BLTP2: variants seen among roughly 807,000 people sequenced by gnomAD.
The protein encoded by BLTP2 is U937-associated antigen.
At chr17:28,619,279 A>G in the BLTP2 span, among the ~76,000 whole-genome samples, 4 of 152,032 alleles carry the variant, frequency 2.6e-5, no homozygotes, top group African/African-American at 9.7e-5. Flanking sequence ...TGTCAGGTTC[A>G]TTAAAAAAAA....
chr17:28,640,001 C>T, the BLTP2 span: 7 of 1,613,948 alleles, frequency 4.3e-6, no homozygotes, highest in Non-Finnish European at 5.9e-6. Flanking sequence ...GGAACTGCAG[C>T]AGCTTCAGAG....
chr17:28,640,395 AAAT>A, the BLTP2 span: 12 of 713,116 alleles, frequency 1.7e-5, no homozygotes, highest in Admixed American at 2.1e-4. Context: ...TCCGTCTCAA[AAAT>A]AATAATAATT....
the BLTP2 span, chr17:28,634,711 A>C: frequency 6.2e-7 from 1 of 1,614,162 alleles, no homozygotes; most frequent in South Asian, 1.1e-5. Context: ...TGCCCGGCGC[A>C]TGGGTGTGTT....
At chr17:28,632,180 A>C in the BLTP2 span, 1 of 1,614,124 alleles carries the variant, frequency 6.2e-7, no homozygotes, top group Non-Finnish European at 8.5e-7. Flanking sequence ...CAAGTTGCCC[A>C]GAAGTTTTGC....
chr17:28,635,762 C>G, the BLTP2 span: 2 of 714,870 alleles, frequency 2.8e-6, no homozygotes, highest in African/African-American at 3.6e-5. Context: ...TTGCTTTGTT[C>G]CTGTTAGCAC....
At chr17:28,645,040 G>A in the BLTP2 span, 2 of 1,601,322 alleles carry the variant, frequency 1.2e-6, no homozygotes, top group Non-Finnish European at 1.7e-6. Flanking sequence ...CAACAGCGCG[G>A]AGAAGAACAG....
the BLTP2 span, chr17:28,638,112 G>A: frequency 8.7e-6 from 14 of 1,612,030 alleles, no homozygotes; most frequent in Admixed American, 1.7e-5. Context: ...AGAAGCAGAC[G>A]GATCCCATTA....
the BLTP2 span, chr17:28,643,347 A>G: frequency 6.2e-7 from 1 of 1,612,498 alleles, no homozygotes; most frequent in Non-Finnish European, 8.5e-7. Flanking sequence ...CACCAGGTCC[A>G]TCCCTCCCAT....
At chr17:28,621,308 C>G in the BLTP2 span, 1 of 1,416,304 alleles carries the variant, frequency 7.1e-7, no homozygotes, top group East Asian at 2.3e-5. Flanking sequence ...CTCCAGCATA[C>G]ACTGACGTTA....
the BLTP2 span, chr17:28,639,487 G>A: frequency 3.1e-6 from 5 of 1,613,448 alleles, no homozygotes; most frequent in South Asian, 3.3e-5. Flanking sequence ...AGAACTGTGG[G>A]TTTGGGTTTT....
At chr17:28,640,034 A>C in the BLTP2 span, 2 of 1,612,910 alleles carry the variant, frequency 1.2e-6, no homozygotes, top group Non-Finnish European at 1.7e-6. Flanking sequence ...GCCTGGACCG[A>C]GACAGATTCC....
At chr17:28,628,903 T>C in the BLTP2 span, among the ~76,000 whole-genome samples, 5 of 150,756 alleles carry the variant, frequency 3.3e-5, no homozygotes, top group African/African-American at 1.2e-4. Flanking sequence ...CACTGCACTC[T>C]AGCCCAGGCG....
chr17:28,622,068 T>A, the BLTP2 span, among the ~76,000 whole-genome samples: 1 of 152,110 alleles, frequency 6.6e-6, no homozygotes, highest in East Asian at 1.9e-4. Context: ...GATGTTCCAC[T>A]CTAATGCTAG....
chr17:28,630,465 GTTTTTTTTTTTT>G, the BLTP2 span, among the ~76,000 whole-genome samples: 1 of 93,010 alleles, frequency 1.1e-5, no homozygotes, highest in African/African-American at 4.1e-5. Context: ...AGCCCCCACT[GTTTTTTTTTTTT>G]TTTTTTTTTT....
the BLTP2 span, chr17:28,632,199 C>T: frequency 1.2e-6 from 2 of 1,613,742 alleles, no homozygotes; most frequent in Non-Finnish European, 1.7e-6. Context: ...GCATCCAGCG[C>T]AGGGTACTAC....
the BLTP2 span, among the ~76,000 whole-genome samples, chr17:28,626,009 C>T: frequency 1.1e-4 from 16 of 152,188 alleles, no homozygotes; most frequent in African/African-American, 2.9e-4. Flanking sequence ...GTGATCCATC[C>T]GCCTCGGCCT....
the BLTP2 span, among the ~76,000 whole-genome samples, chr17:28,623,395 T>C: frequency 1.3e-5 from 2 of 152,204 alleles, no homozygotes; most frequent in Admixed American, 1.3e-4. Context: ...GTCATTTTCA[T>C]GAGAGGACAG....
At chr17:28,620,919 C>A in the BLTP2 span, 2 of 1,431,398 alleles carry the variant, frequency 1.4e-6, no homozygotes, top group Admixed American at 1.8e-5. Flanking sequence ...TGTCTCAAAA[C>A]CACCAAGGAA....
At chr17:28,631,454 A>G in the BLTP2 span, 29 of 1,601,634 alleles carry the variant, frequency 1.8e-5, no homozygotes, top group African/African-American at 3.1e-4. Context: ...AAATAAGGTA[A>G]TAAAGAAAGT....
Sources: allele counts gnomAD v4.1 joint callset (sites outside exome capture counted in the v4.1 genomes callset), GRCh38; gene constraint gnomAD v4.1.1; transcripts MANE v1.5; gene names NCBI Gene and HGNC (gene_info 2026-07-23, HGNC 2026-07-21).